Variants in FBXO31 observed in about 807,000 individuals in gnomAD.
FBXO31 encodes F-box protein 31, also known as F-box only protein 31.
FBXO31 carries 24 observed loss-of-function variants against 54.4 expected under a neutral mutation model. The ratio of observed to expected loss-of-function variants is 0.44; its 90% CI spans 0.32 to 0.62. The LOEUF is 0.62. FBXO31 is among the 20% of genes least tolerant of loss of function. The probability of loss-of-function intolerance (pLI) is 0.05; values close to 1 mark genes in which losing one functional copy is unlikely to be tolerated. For missense variants in FBXO31, 665 were observed against 787.1 expected (o/e 0.84, Z 1.86); for synonymous variants, 388 against 335.6 (o/e 1.16, Z -1.71).
rs1033689218 is a variant in FBXO31, at chr16:87,346,199, C to T, written c.489+975G>A. On this transcript the variant is annotated intron_variant, in intron 3 of 8. Transcript: ENST00000311635. This position sits in a 1 kb window ranked among gnomAD's most constrained non-coding sequence, Gnocchi z 4.2. Reference sequence around the variant, plus strand: ...GGGACGCTTCCCCAAGCCTGAGACGCGCGCATACCCCGGGCCTGCGCAGAG... The same window carrying T: ...GGGACGCTTCCCCAAGCCTGAGACGTGCGCATACCCCGGGCCTGCGCAGAG... Among the ~76,000 whole-genome samples the T allele has an allele frequency of 1.3e-5, 2 of 152,096 alleles. No individual in the cohort carries two copies. Among genetic ancestry groups the T allele is most frequent in the Non-Finnish European group, 2.9e-5 (2 of 68,022 alleles).
chr16:87,379,601 C>T (rs376406229), intron 1 of FBXO31, among the ~76,000 whole-genome samples: 1 of 152,292 alleles, frequency 6.6e-6, no homozygotes, highest in African/African-American at 2.4e-5. Flanking sequence ...CCACTAAAGC[C>T]AGGAAGTCAC....
intron 5 of FBXO31, among the ~76,000 whole-genome samples, chr16:87,339,131 A>C (rs2150671392): frequency 6.6e-6 from 1 of 152,324 alleles, no homozygotes; most frequent in Middle Eastern, 3.4e-3. Context: ...GTATGTCTTT[A>C]TCAGCAGCGT....
intron 2 of FBXO31, among the ~76,000 whole-genome samples, chr16:87,353,814 G>C (rs922098553): frequency 6.6e-6 from 1 of 152,266 alleles, no homozygotes; most frequent in Non-Finnish European, 1.5e-5. Flanking sequence ...CAGGGCCCCG[G>C]ACACCTTGTC....
chr16:87,352,992 T>C (rs1905732096), intron 2 of FBXO31, among the ~76,000 whole-genome samples: 1 of 152,204 alleles, frequency 6.6e-6, no homozygotes, highest in Non-Finnish European at 1.5e-5. Context: ...ATGGAGATTT[T>C]GTGGGTGGAT....
chr16:87,333,930 G>A lies in FBXO31; in HGVS notation c.1353C>T (p.Gly451=), dbSNP rs770191325. The A allele has an allele frequency of 6.8e-6, 11 of 1,611,334 alleles. No individual in the cohort carries two copies. In the African/African-American group the frequency reaches 8.0e-5, roughly 12 times the overall value. The change falls in exon 8 of 9, where the codon GGC becomes GGT. Residue 451 remains glycine (G), a synonymous_variant. Transcript: ENST00000311635. ...GGTAGTCCTCATTCCTGGAGCTCAC[G>A]CCCACGGGCAGCACGAACGGCTGCC... is the stretch of plus-strand genomic sequence containing the variant. The part of the protein sequence containing the change: ...GQGQPFVLPV[G]VSSRNEDYPR...
At chr16:87,388,491 CTCTT>C (rs1907403049), upstream of FBXO31, among the ~76,000 whole-genome samples, 1 of 152,254 alleles carries the variant, frequency 6.6e-6, no homozygotes, top group African/African-American at 2.4e-5. Context: ...GGTGGCCTCT[CTCTT>C]CCAATCAGAA....
intron 1 of FBXO31, among the ~76,000 whole-genome samples, chr16:87,382,108 A>G (rs548639760): frequency 7.2e-5 from 11 of 152,234 alleles, no homozygotes; most frequent in African/African-American, 2.4e-4. Flanking sequence ...AAATTTCTAT[A>G]AAATGCACAA....
Position 87,383,309 on chromosome 16 carries a change from C to A in FBXO31, c.340+96G>T. The stretch of plus-strand genomic sequence containing the variant: ...GGCCCCGCGCCCAACTGGTGGCCCC[C>A]GGCCGGGGCCACCGCCCCCGCCACT... On this transcript the variant is annotated intron_variant, in intron 1 of 8. Transcript: ENST00000311635. This position sits in a 1 kb window ranked among gnomAD's most constrained non-coding sequence, Gnocchi z 4.9. The A allele has an allele frequency of 1.7e-6, 2 of 1,202,012 alleles. No homozygotes were observed. Among genetic ancestry groups the A allele is most frequent in the Non-Finnish European group, 2.2e-6 (2 of 903,768 alleles). 74.5% of individuals were successfully genotyped at this position (1,202,012 alleles called of 1,614,324 possible).
chr16:87,343,013 C>G, intron 4 of FBXO31, 62 bp from the exon 5 acceptor site: 1 of 1,462,346 alleles, frequency 6.8e-7, no homozygotes, highest in Admixed American at 2.0e-5. Context: ...ACAGCATCCC[C>G]CACCCCAGGC....
At chr16:87,364,486 A>G (rs925678038) in intron 1 of FBXO31, among the ~76,000 whole-genome samples, 1 of 152,212 alleles carries the variant, frequency 6.6e-6, no homozygotes, top group African/African-American at 2.4e-5. Context: ...CCAGAGGTCC[A>G]GGAAGCACCT....
upstream of FBXO31, among the ~76,000 whole-genome samples, chr16:87,387,251 A>G (rs763750590): frequency 1.3e-5 from 2 of 152,208 alleles, no homozygotes; most frequent in Non-Finnish European, 2.9e-5. Context: ...GAATCCTGAC[A>G]GCTGAATACG....
At chr16:87,340,870 G>T (rs187246060) in intron 5 of FBXO31, among the ~76,000 whole-genome samples, 166 of 152,080 alleles carry the variant, frequency 1.1e-3, no homozygotes, top group Non-Finnish European at 1.7e-3. Context: ...CAAAAAAAAG[G>T]AATAAGAAAA....
At chr16:87,353,359 G>T (rs949152715) in intron 2 of FBXO31, among the ~76,000 whole-genome samples, 3 of 152,250 alleles carry the variant, frequency 2.0e-5, no homozygotes, top group African/African-American at 7.2e-5. Context: ...TACTGTGGAG[G>T]CTGGGCTGAG....
chr16:87,366,427 G>T (rs149807578), intron 1 of FBXO31, among the ~76,000 whole-genome samples: 138 of 152,284 alleles, frequency 9.1e-4, no homozygotes, highest in African/African-American at 3.3e-3. Flanking sequence ...GGCTGTGGTG[G>T]CAAGGGCCCA....
At chr16:87,343,810 A>C (rs761226298) in intron 3 of FBXO31, 45 bp from the exon 4 acceptor site, 14 of 1,608,392 alleles carry the variant, frequency 8.7e-6, no homozygotes, top group Non-Finnish European at 1.2e-5. Context: ...CTCCCGGGCC[A>C]GAGCAAGGGC....
intron 1 of FBXO31, among the ~76,000 whole-genome samples, chr16:87,360,857 G>T (rs979441274): frequency 6.6e-6 from 1 of 152,154 alleles, no homozygotes; most frequent in Non-Finnish European, 1.5e-5. Context: ...GGGGGAAGGG[G>T]TGAACATTGT....
intron 5 of FBXO31, among the ~76,000 whole-genome samples, chr16:87,340,211 C>T (rs908279579): frequency 2.0e-5 from 3 of 152,180 alleles, no homozygotes; most frequent in Non-Finnish European, 2.9e-5. Context: ...CACCTGAACC[C>T]AGGAGGCGGA....
intron 8 of FBXO31, among the ~76,000 whole-genome samples, chr16:87,332,799 TACAG>T (rs931435300): frequency 5.4e-5 from 8 of 149,274 alleles, no homozygotes; most frequent in African/African-American, 2.0e-4. Context: ...TAGCGGGAAA[TACAG>T]ACACATAGCA....
chr16:87,361,396 C>T (rs530550140), intron 1 of FBXO31, among the ~76,000 whole-genome samples: 5 of 152,364 alleles, frequency 3.3e-5, no homozygotes, highest in East Asian at 1.9e-4. Context: ...GGGCACAACA[C>T]AGGAGACGGG....
Sources: gnomAD v4.1 joint callset for allele counts (sites outside exome capture counted in the v4.1 genomes callset) on GRCh38, gnomAD v4.1.1 for gene constraint, Gnocchi (gnomAD v3.1) non-coding constraint, MANE v1.5 for transcripts, NCBI Gene and HGNC (gene_info 2026-07-23, HGNC 2026-07-21) for gene names.